The following SNRPD1 variants were observed in gnomAD, a reference collection of about 807,000 sequenced individuals.
SNRPD1 encodes the protein small nuclear ribonucleoprotein D1 polypeptide, also known as small nuclear ribonucleoprotein Sm D1.
Under a neutral mutation model 14.4 loss-of-function variants are expected in SNRPD1, and 1 was observed. The ratio of observed to expected loss-of-function variants is 0.07; its 90% confidence interval spans 0.02 to 0.33. The LOEUF is 0.33. SNRPD1 is among the 10% of genes least tolerant of loss of function. The probability of loss-of-function intolerance (pLI) is 1.00; values close to 1 mark genes in which losing one functional copy is unlikely to be tolerated. For synonymous variants in SNRPD1, 42 were observed against 50.3 expected, an observed-to-expected ratio of 0.83 and a Z score of 0.70; for missense variants, 52 against 146.4, an observed-to-expected ratio of 0.36 and a Z score of 3.33.
At chr18:21,617,858 A>T (rs2038968843) in intron 1 of SNRPD1, among the ~76,000 whole-genome samples, 1 of 152,182 alleles carries the variant, frequency 6.6e-6, no homozygotes, top group Non-Finnish European at 1.5e-5. Context: ...ATGCGCCTGT[A>T]GTCTCAGCTA....
intron 1 of SNRPD1, among the ~76,000 whole-genome samples, chr18:21,622,391 T>C (rs764581859): frequency 9.9e-5 from 15 of 152,138 alleles, no homozygotes; most frequent in Non-Finnish European, 1.9e-4. Context: ...CCGCCCGCCT[T>C]GGCCTCCCAA....
chr18:21,613,285 T>C (rs992297386), intron 1 of SNRPD1, among the ~76,000 whole-genome samples: 2 of 152,198 alleles, frequency 1.3e-5, no homozygotes, highest in African/African-American at 4.8e-5. Context: ...TGTTTTTCCT[T>C]GAGACTAAGC....
At chr18:21,624,375 A>C (rs2039019906) in intron 3 of SNRPD1, among the ~76,000 whole-genome samples, 1 of 130,648 alleles carries the variant, frequency 7.7e-6, no homozygotes, top group Non-Finnish European at 1.6e-5. Context: ...CCACTGTCTC[A>C]AAAAAAAAAA....
intron 1 of SNRPD1, among the ~76,000 whole-genome samples, chr18:21,620,918 C>T (rs1284335744): frequency 6.6e-6 from 1 of 152,014 alleles, no homozygotes; most frequent in African/African-American, 2.4e-5. Context: ...AATCCCAGCA[C>T]TTTGGGAGGC....
Position 21,633,477 on chromosome 18 carries a change from A to G in SNRPD1, c.*4339A>G, listed in dbSNP as rs560620151. ...GTATATCTGATACTGGCCTTTATTA[A>G]TGTGAAATTCTTGTGGATCTGTGAA... On this transcript the variant is annotated 3_prime_UTR_variant, in exon 4 of 4. Coordinates refer to ENST00000300413, the MANE Select transcript of SNRPD1 (RefSeq NM_006938.4). 2.6e-5 allele frequency: 4 copies of G among 152,246 alleles called. No homozygotes were observed. The South Asian group carries it at 8.3e-4, about 32-fold the overall frequency. The allele number at this position is 152,246 out of a possible 1,614,324, so 9.4% of individuals were successfully genotyped here. A position where few individuals can be genotyped will look rare whatever the true frequency, so the allele number is the denominator to read the frequency against.
At chr18:21,627,380 G>T (rs1029900725) in intron 3 of SNRPD1, among the ~76,000 whole-genome samples, 1 of 150,414 alleles carries the variant, frequency 6.6e-6, no homozygotes, top group African/African-American at 2.4e-5. Flanking sequence ...CTCCCAAAGT[G>T]CTGGGATTAT....
rs374239525 is a variant in SNRPD1 at position 21,621,737 on chromosome 18, C to T, written c.15-988C>T. On this transcript the variant is annotated intron_variant, in intron 1 of 3. Transcript: ENST00000300413. ...GGATTACAGGCGTACGCCATCCTGCCCAGCTAATTTTTGTGTTTTTGTAGA... is the reference window on the plus strand; with the variant it reads ...GGATTACAGGCGTACGCCATCCTGCTCAGCTAATTTTTGTGTTTTTGTAGA... 4.1e-4 allele frequency among the ~76,000 whole-genome samples: 62 copies of T among 152,190 alleles called. 1 individual carries two copies. In the East Asian group the frequency reaches 0.011, roughly 28 times the overall value.
rs1352525075 is a variant in SNRPD1 at position 21,632,215 on chromosome 18, C to T, written c.*3077C>T. On this transcript the variant is annotated 3_prime_UTR_variant, in exon 4 of 4. Transcript: ENST00000300413. ...GTGGCTCATGCCTGTGACCTCAGCA[C>T]TTTGGGAGGCCGAGATGGGCGAATC... is the stretch of plus-strand genomic sequence containing the variant. 1 of 152,052 alleles carries T rather than the reference C, an allele frequency of 6.6e-6. No individual in the cohort carries two copies. The highest frequency in any genetic ancestry group is 1.9e-4 in the East Asian group (1 of 5,190). 9.4% of individuals were successfully genotyped at this position (152,052 alleles called of 1,614,324 possible).
chr18:21,622,906 A>C, intron 2 of SNRPD1, 105 bp downstream of exon 2: 1 of 477,470 alleles, frequency 2.1e-6, no homozygotes, highest in South Asian at 4.0e-5. Context: ...ACAAATCCTT[A>C]TTTTTTTTGT....
At chr18:21,617,626 G>A (rs2038966996) in intron 1 of SNRPD1, among the ~76,000 whole-genome samples, 1 of 152,130 alleles carries the variant, frequency 6.6e-6, no homozygotes, top group Non-Finnish European at 1.5e-5. Flanking sequence ...CTCTCCTAGA[G>A]GAATTCTTTA....
At position 21,631,050 on chromosome 18, in the gene SNRPD1, A is replaced by T. The variant is rs1194764139; in HGVS notation, c.*1912A>T. 3.3e-5 allele frequency: 5 copies of T among 151,760 alleles called. No individual in the cohort carries two copies. Among genetic ancestry groups the T allele is most frequent in the Non-Finnish European group, 7.4e-5 (5 of 67,992 alleles). The allele number at this position is 151,760 out of a possible 1,614,324, so 9.4% of individuals were successfully genotyped here. On this transcript the variant is annotated 3_prime_UTR_variant, in exon 4 of 4. Coordinates refer to ENST00000300413, the MANE Select transcript of SNRPD1 (RefSeq NM_006938.4). ...ATTAGCGTTTTTTCCCCCACAAATTATTGGCAGTGGTCACCCAGTTGTATT... is the reference window on the plus strand; with the variant it reads ...ATTAGCGTTTTTTCCCCCACAAATTTTTGGCAGTGGTCACCCAGTTGTATT...
At chr18:21,623,503 A>G (rs1488454769) in intron 2 of SNRPD1, among the ~76,000 whole-genome samples, 1 of 152,216 alleles carries the variant, frequency 6.6e-6, no homozygotes, top group Non-Finnish European at 1.5e-5. Context: ...GGGTTCTTCC[A>G]TGGCTTGCTG....
At chr18:21,613,783 C>T (rs149064916) in intron 1 of SNRPD1, among the ~76,000 whole-genome samples, 21,511 of 132,056 alleles carry the variant, frequency 0.16, 1,829 homozygotes, top group Middle Eastern at 0.34. Context: ...TGAACCCAGG[C>T]GGCAGAGGTT....
intron 1 of SNRPD1, among the ~76,000 whole-genome samples, chr18:21,612,665 C>G (rs758063128): frequency 6.6e-6 from 1 of 152,268 alleles, no homozygotes; most frequent in Non-Finnish European, 1.5e-5. Context: ...AAAGGCCGAG[C>G]CTTTTCTTCC....
chr18:21,612,581 C>G (rs564930909), intron 1 of SNRPD1, 138 bp downstream of exon 1: 3 of 585,708 alleles, frequency 5.1e-6, no homozygotes, highest in Non-Finnish European at 8.6e-6. Flanking sequence ...TTACTGCGCC[C>G]GCAGCTCGTG....
rs113518143 is a variant in SNRPD1, at chr18:21,612,816, C to A, written c.14+373C>A. Among the ~76,000 whole-genome samples, 925 of 152,336 alleles carry A rather than the reference C, an allele frequency of 6.1e-3. 5 individuals carry two copies. The highest frequency in any genetic ancestry group is 0.01 in the Non-Finnish European group (691 of 68,036). On this transcript the variant is annotated intron_variant, in intron 1 of 3. Coordinates refer to ENST00000300413, the MANE Select transcript of SNRPD1 (RefSeq NM_006938.4). ...AAAGCTGTATGAGCTTATCTGGAAA[C>A]AAACCTGTTTGCAAAATATTTTAAA...
intron 3 of SNRPD1, among the ~76,000 whole-genome samples, chr18:21,626,870 G>T (rs888118653): frequency 6.6e-6 from 1 of 151,462 alleles, no homozygotes; most frequent in Admixed American, 6.6e-5. Flanking sequence ...CAGTGAAGTG[G>T]CATGATCATA....
At chr18:21,617,513 T>C (rs562999612) in intron 1 of SNRPD1, among the ~76,000 whole-genome samples, 17 of 152,348 alleles carry the variant, frequency 1.1e-4, no homozygotes, top group Non-Finnish European at 2.2e-4. Context: ...TACTTTGGTC[T>C]CTTGTCTTTC....
chr18:21,623,834 A>G lies in SNRPD1; in HGVS notation c.178A>G (p.Ile60Val). 6.2e-7 allele frequency: 1 copy of G among 1,613,042 alleles called. No homozygotes were observed. Among genetic ancestry groups the G allele is most frequent in the Non-Finnish European group, 8.5e-7 (1 of 1,179,046 alleles). ...ACCTGTACAGCTGGAAACGCTGAGT[A>G]TTCGAGGAAATAACATTCGGTATTT... Reference protein sequence around the residue: ...REPVQLETLSIRGNNIRYFIL... With the variant: ...REPVQLETLSVRGNNIRYFIL... The change falls in exon 3 of 4, where the codon ATT becomes GTT. Residue 60 changes from isoleucine to valine, a missense_variant. Transcript: ENST00000300413.
Sources: allele counts gnomAD v4.1 joint callset (sites outside exome capture counted in the v4.1 genomes callset), GRCh38; gene constraint gnomAD v4.1.1; transcripts MANE v1.5; gene names NCBI Gene and HGNC (gene_info 2026-07-23, HGNC 2026-07-21).